Variants in GABRR2 observed in about 807,000 individuals in gnomAD.
The protein encoded by GABRR2 is gamma-aminobutyric acid receptor subunit rho-2.
GABRR2 carries 36 observed loss-of-function variants against 47.0 expected under a neutral mutation model. That is an observed-to-expected ratio of 0.77 (90% CI 0.59 to 1.01). The LOEUF (loss-of-function observed/expected upper bound fraction) is 1.01, where lower values mean the gene tolerates loss of function less well. Ranked by LOEUF, GABRR2 falls within the 50% of genes least tolerant of loss-of-function variation. GABRR2 has a pLI of 0.00. For missense variants in GABRR2, 587 were observed against 594.6 expected, an observed-to-expected ratio of 0.99 and a Z score of 0.13; for synonymous variants, 204 against 227.5, an observed-to-expected ratio of 0.90 and a Z score of 0.93.
chr6:89,277,923 C>A (rs12211621), intron 2 of GABRR2, among the ~76,000 whole-genome samples: 38,226 of 149,644 alleles, frequency 0.26, 5,013 homozygotes, highest in East Asian at 0.39. Context: ...CATTACCTAG[C>A]AAAATGGAAG....
At chr6:89,279,547 C>G (rs1015434251) in intron 2 of GABRR2, among the ~76,000 whole-genome samples, 2 of 151,904 alleles carry the variant, frequency 1.3e-5, no homozygotes, top group African/African-American at 4.8e-5. Flanking sequence ...TGTTCTGTCA[C>G]CCAGGTAGGA....
intron 1 of GABRR2, among the ~76,000 whole-genome samples, chr6:89,304,931 A>G (rs892931952): frequency 1.3e-5 from 2 of 152,198 alleles, no homozygotes; most frequent in Non-Finnish European, 2.9e-5. Flanking sequence ...CAGCAATCTC[A>G]TTACTGGGTA....
intron 4 of GABRR2, among the ~76,000 whole-genome samples, chr6:89,268,445 C>T (rs1189776123): frequency 6.6e-6 from 1 of 152,232 alleles, no homozygotes; most frequent in Non-Finnish European, 1.5e-5. Flanking sequence ...CATCAACTTC[C>T]ACCAAAGGCC....
chr6:89,291,347 A>G (rs1774436924), intron 2 of GABRR2, among the ~76,000 whole-genome samples: 1 of 152,032 alleles, frequency 6.6e-6, no homozygotes, highest in Non-Finnish European at 1.5e-5. Flanking sequence ...CCCAAGACGC[A>G]TCCTGTTGCT....
At chr6:89,267,626 T>TG in intron 6 of GABRR2, 53 bp downstream of exon 6, 2 of 1,542,362 alleles carry the variant, frequency 1.3e-6, no homozygotes, top group Non-Finnish European at 1.8e-6. Flanking sequence ...TGAAGAAGAA[T>TG]TCAAATGTGC....
intron 2 of GABRR2, among the ~76,000 whole-genome samples, chr6:89,292,742 A>AATCGTATATATCGTATATACGATAT (rs1562379406): frequency 2.0e-4 from 20 of 98,238 alleles, no homozygotes; most frequent in Non-Finnish European, 4.0e-4. Context: ...TATCATATAT[A>AATCGTATATATCGTATATACGATAT]ATCGTATATA....
intron 2 of GABRR2, among the ~76,000 whole-genome samples, chr6:89,274,004 A>G (rs1243085625): frequency 6.6e-6 from 1 of 152,224 alleles, no homozygotes; most frequent in Non-Finnish European, 1.5e-5. Context: ...TTCAGATAAC[A>G]TGCACAGTGT....
chr6:89,263,707 G>A (rs1773808683), intron 8 of GABRR2, among the ~76,000 whole-genome samples: 1 of 152,090 alleles, frequency 6.6e-6, no homozygotes, highest in South Asian at 2.1e-4. Flanking sequence ...ATTTTTAGTA[G>A]AGATGGGGTT....
In GABRR2 at chr6:89,280,578, C is replaced by G. The variant is rs563960649; in HGVS notation, c.221-8856G>C. ...CCGCTGCCCCTAGACTCCACAGGCC[C>G]TAACAAGGGTCCTGAACTGTCTCCT... On this transcript the variant is annotated intron_variant, in intron 2 of 8. Coordinates refer to ENST00000402938, the MANE Select transcript of GABRR2 (RefSeq NM_002043.5). Among the ~76,000 whole-genome samples, 13 of 152,288 alleles carry G rather than the reference C, an allele frequency of 8.5e-5. No individual in the cohort carries two copies. In the South Asian group the frequency reaches 2.7e-3, roughly 32 times the overall value.
chr6:89,302,836 C>T, intron 1 of GABRR2: 2 of 1,376,670 alleles, frequency 1.5e-6, no homozygotes, highest in Admixed American at 1.8e-5. Context: ...GACATCCCAC[C>T]CCCCAGCCTC....
intron 1 of GABRR2, among the ~76,000 whole-genome samples, chr6:89,314,256 A>T (rs1255040363): frequency 1.3e-5 from 2 of 152,202 alleles, no homozygotes; most frequent in African/African-American, 4.8e-5. Flanking sequence ...AGTAGAATGG[A>T]AAATAAATGT....
chr6:89,276,799 G>T (rs1427774794), intron 2 of GABRR2, among the ~76,000 whole-genome samples: 1 of 152,150 alleles, frequency 6.6e-6, no homozygotes, highest in Non-Finnish European at 1.5e-5. Context: ...TATAGAGTCA[G>T]TATATAAAAA....
chr6:89,254,765 G>A lies in GABRR2; in HGVS notation c.*2905C>T, dbSNP rs1773567860. On this transcript the variant is annotated 3_prime_UTR_variant, in exon 9 of 9. Transcript: ENST00000402938. Reference sequence around the variant, plus strand: ...GTTCCTGTTTTCTACTCCTACCAATGTTGTCTCCACTTTACCTCTTTAAAT... The same window carrying A: ...GTTCCTGTTTTCTACTCCTACCAATATTGTCTCCACTTTACCTCTTTAAAT... Among the ~76,000 whole-genome samples the A allele has an allele frequency of 6.6e-6, 1 of 152,172 alleles. No homozygotes were observed. Among genetic ancestry groups the A allele is most frequent in the East Asian group, 1.9e-4 (1 of 5,176 alleles).
chr6:89,293,971 A>G (rs1774511791), intron 2 of GABRR2, among the ~76,000 whole-genome samples: 1 of 152,162 alleles, frequency 6.6e-6, no homozygotes, highest in Non-Finnish European at 1.5e-5. Context: ...CAGATTTTTA[A>G]TCTTTTCTCT....
In GABRR2 at chr6:89,264,439, C is replaced by A. The variant is rs761003779; in HGVS notation, c.1059G>T (p.Glu353Asp). 6.2e-7 allele frequency: 1 copy of A among 1,614,034 alleles called. No homozygotes were observed. The highest frequency in any genetic ancestry group is 8.5e-7 in the Non-Finnish European group (1 of 1,179,932). Residue 353 changes from glutamate to aspartate, a missense_variant, in exon 8 of 9, where the codon GAG becomes GAT. Glu to Asp is a conservative substitution (Grantham distance 45). Coordinates refer to ENST00000402938, the MANE Select transcript of GABRR2 (RefSeq NM_002043.5). ...TCTCCCGCAGCTTCCGTTCCTTGCGCTCCTGCACGGTGGTCAGGTAGTTGA... is the reference window on the plus strand; with the variant it reads ...TCTCCCGCAGCTTCCGTTCCTTGCGATCCTGCACGGTGGTCAGGTAGTTGA... ...AAVNYLTTVQ[E>D]RKERKLREKF...
intron 1 of GABRR2, among the ~76,000 whole-genome samples, chr6:89,305,145 A>C (rs1007829937): frequency 1.7e-4 from 25 of 151,446 alleles, no homozygotes; most frequent in Non-Finnish European, 3.2e-4. Flanking sequence ...ATCACAGGCC[A>C]GGAATTCAAG....
chr6:89,309,706 G>A (rs752885643), intron 1 of GABRR2, among the ~76,000 whole-genome samples: 10 of 152,056 alleles, frequency 6.6e-5, no homozygotes, highest in Non-Finnish European at 1.2e-4. Context: ...CCCCTGGGTT[G>A]GTGCATTTGT....
chr6:89,278,521 A>T (rs1231677058), intron 2 of GABRR2, among the ~76,000 whole-genome samples: 2 of 152,248 alleles, frequency 1.3e-5, no homozygotes, highest in Non-Finnish European at 2.9e-5. Flanking sequence ...TTGTCTGAGA[A>T]GGTGAGGCTG....
chr6:89,293,574 C>A (rs554573163), intron 2 of GABRR2, among the ~76,000 whole-genome samples: 2 of 152,230 alleles, frequency 1.3e-5, no homozygotes, highest in African/African-American at 4.8e-5. Context: ...ATCACTTGAA[C>A]CCAGAAGTTC....
Sources: allele counts gnomAD v4.1 joint callset (sites outside exome capture counted in the v4.1 genomes callset), GRCh38; gene constraint gnomAD v4.1.1; transcripts MANE v1.5; gene names NCBI Gene and HGNC (gene_info 2026-07-23, HGNC 2026-07-21).